The following GGT1 variants were observed in gnomAD, a reference collection of about 807,000 sequenced individuals.
GGT1 encodes the protein glutathione hydrolase 1 proenzyme.
Under a neutral mutation model 56.0 loss-of-function variants are expected in GGT1, and 21 were observed. The observed-to-expected ratio is 0.38, with a 90% CI of 0.27 to 0.54. GGT1 has a LOEUF of 0.54. Among genes scored for constraint, GGT1 ranks in the 20% least tolerant of loss-of-function variants. The pLI is 0.82. For missense variants in GGT1, 466 were observed against 787.0 expected (o/e 0.59, Z 4.88); for synonymous variants, 238 against 342.6 (o/e 0.69, Z 3.37).
At chr22:24,589,018 C>G in the GGT1 span, 1 of 1,024,358 alleles carries the variant, frequency 9.8e-7, no homozygotes, top group Non-Finnish European at 1.2e-6. Flanking sequence ...GCAGCACACA[C>G]AGCAGCTGCA....
At chr22:24,593,210 G>T, upstream of GGT1, 1 of 649,020 alleles carries the variant, frequency 1.5e-6, no homozygotes, top group Non-Finnish European at 1.9e-6. Context: ...GGGTTCCTCG[G>T]TTTGGCCTGA....
Sources: gnomAD v4.1 joint callset for allele counts on GRCh38, gnomAD v4.1.1 for gene constraint, MANE v1.5 for transcripts, NCBI Gene and HGNC (gene_info 2026-07-23, HGNC 2026-07-21) for gene names.